The following XXYLT1 variants were observed in gnomAD, a reference collection of about 807,000 sequenced individuals.
XXYLT1 encodes UDP-xylose:alpha-xyloside alpha-1,3-xylosyltransferase.
Under a neutral mutation model 28.9 loss-of-function variants are expected in XXYLT1, and 20 were observed. The ratio of observed to expected loss-of-function variants is 0.69; its 90% confidence interval spans 0.49 to 1.00. The LOEUF (loss-of-function observed/expected upper bound fraction) is 1.00. Among genes scored for constraint, XXYLT1 ranks in the 50% least tolerant of loss-of-function variants. XXYLT1 has a pLI of 0.00. For synonymous variants in XXYLT1, 257 were observed against 253.8 expected (o/e 1.01, Z -0.12); for missense variants, 542 against 560.1 (o/e 0.97, Z 0.33).
chr3:195,162,427 G>A (rs940255369), intron 2 of XXYLT1, among the ~76,000 whole-genome samples: 2 of 152,232 alleles, frequency 1.3e-5, no homozygotes, highest in Non-Finnish European at 2.9e-5. Flanking sequence ...TATGCAACCT[G>A]TTAGCAGCTC....
intron 1 of XXYLT1, among the ~76,000 whole-genome samples, chr3:195,229,847 A>T (rs898827611): frequency 1.3e-5 from 2 of 152,232 alleles, no homozygotes; most frequent in Non-Finnish European, 2.9e-5. Context: ...TGCAATAAAC[A>T]TGGGGGTGCA....
In XXYLT1 at chr3:195,257,605, C is replaced by T. The variant is rs1725528556; in HGVS notation, c.504+12950G>A. ...CCAGCCAGGTGGATCACCATGGCAG[C>T]CAGGTACATCCTGGCTGGGCCGGCA... On this transcript the variant is annotated intron_variant, in intron 1 of 3. Transcript: ENST00000310380. The surrounding 1 kb of genome is among the most constrained non-coding windows in gnomAD (Gnocchi z 4.3). 2.0e-5 allele frequency among the ~76,000 whole-genome samples: 3 copies of T among 152,146 alleles called. No homozygotes were observed. Among genetic ancestry groups the T allele is most frequent in the Non-Finnish European group, 4.4e-5 (3 of 68,006 alleles).
In XXYLT1 at chr3:195,255,356, C is replaced by G. The variant is rs1032087969; in HGVS notation, c.504+15199G>C. On this transcript the variant is annotated intron_variant, in intron 1 of 3. Coordinates refer to ENST00000310380, the MANE Select transcript of XXYLT1 (RefSeq NM_152531.5). The surrounding 1 kb of genome is among the most constrained non-coding windows in gnomAD (Gnocchi z 4.5). ...ACACGGCTCGCACCCACGAGCTCAG[C>G]CCCCAGCAGGACCCAGTCGGGCTGG... 6.6e-6 allele frequency among the ~76,000 whole-genome samples: 1 copy of G among 152,190 alleles called. No individual in the cohort carries two copies. Among genetic ancestry groups the G allele is most frequent in the Admixed American group, 6.5e-5 (1 of 15,286 alleles).
intron 3 of XXYLT1, chr3:195,134,562 C>T (rs1157018142): frequency 6.4e-6 from 1 of 155,856 alleles, no homozygotes; most frequent in Non-Finnish European, 1.5e-5. Flanking sequence ...CCCCATTGCT[C>T]CCAGGCTACA....
intron 2 of XXYLT1, chr3:195,183,654 AT>A (rs1218251745): frequency 6.6e-6 from 1 of 152,130 alleles, no homozygotes; most frequent in Admixed American, 6.5e-5. Flanking sequence ...AGGTTAGGTC[AT>A]TTTCAGGAAT....
At chr3:195,149,566 G>C (rs7639698) in intron 3 of XXYLT1, among the ~76,000 whole-genome samples, 4 of 151,960 alleles carry the variant, frequency 2.6e-5, no homozygotes, top group African/African-American at 9.7e-5. Flanking sequence ...GGGAGTGGGG[G>C]CTGCCTCGGG....
intron 2 of XXYLT1, among the ~76,000 whole-genome samples, chr3:195,178,148 C>CT (rs35477529): frequency 0.04 from 5,897 of 148,094 alleles, 386 homozygotes; most frequent in African/African-American, 0.14. Context: ...CTGCTGACAG[C>CT]TTTTTTTTTT....
intron 1 of XXYLT1, among the ~76,000 whole-genome samples, chr3:195,235,433 T>A (rs971211841): frequency 2.0e-5 from 3 of 152,230 alleles, no homozygotes; most frequent in Admixed American, 6.5e-5. Context: ...CTATCTTGAA[T>A]TTCTTTGAGT....
At chr3:195,193,308 C>A in intron 2 of XXYLT1, among the ~76,000 whole-genome samples, 2 of 150,524 alleles carry the variant, frequency 1.3e-5, no homozygotes, top group African/African-American at 4.9e-5. Flanking sequence ...AAAAGCCATT[C>A]CTAAAATAAT....
At chr3:195,245,105 G>A (rs143898935) in intron 1 of XXYLT1, among the ~76,000 whole-genome samples, 4 of 151,566 alleles carry the variant, frequency 2.6e-5, no homozygotes, top group African/African-American at 9.7e-5. Context: ...GACGGAGGTT[G>A]CAGTGAGCCA....
intron 3 of XXYLT1, among the ~76,000 whole-genome samples, chr3:195,075,929 G>GA (rs1715087642): frequency 6.6e-6 from 1 of 152,064 alleles, no homozygotes; most frequent in Non-Finnish European, 1.5e-5. Flanking sequence ...CAGGCTGCCT[G>GA]GCAGGACAGG....
chr3:195,096,826 C>G (rs1716473789), intron 3 of XXYLT1, among the ~76,000 whole-genome samples: 1 of 152,214 alleles, frequency 6.6e-6, no homozygotes, highest in African/African-American at 2.4e-5. Context: ...AGAATCTTGA[C>G]TGAAACTGTA....
chr3:195,073,021 C>T (rs551939268), intron 3 of XXYLT1, among the ~76,000 whole-genome samples: 2 of 152,328 alleles, frequency 1.3e-5, no homozygotes, highest in Admixed American at 1.3e-4. Flanking sequence ...AGCCCTCTCA[C>T]ACTCTCCACC....
At chr3:195,190,349 A>G (rs2108750518) in intron 2 of XXYLT1, among the ~76,000 whole-genome samples, 1 of 151,942 alleles carries the variant, frequency 6.6e-6, no homozygotes, top group South Asian at 2.1e-4. Flanking sequence ...ACAAAAGTTA[A>G]CCAGGCTTGG....
chr3:195,110,434 T>TGGTG (rs1717555129), intron 3 of XXYLT1, among the ~76,000 whole-genome samples: 2 of 131,234 alleles, frequency 1.5e-5, no homozygotes, highest in African/African-American at 3.0e-5. Context: ...TATGTGTGCG[T>TGGTG]GTGTATGTGG....
intron 1 of XXYLT1, 69 bp downstream of exon 1, chr3:195,270,486 A>AAC: frequency 1.5e-6 from 2 of 1,350,884 alleles, no homozygotes; most frequent in Middle Eastern, 2.8e-4. Flanking sequence ...CCCCTCCGGG[A>AAC]GCGCAAACTG....
intron 3 of XXYLT1, among the ~76,000 whole-genome samples, chr3:195,155,534 C>CT (rs59329078): frequency 0.2 from 28,711 of 145,608 alleles, 3,251 homozygotes; most frequent in East Asian, 0.56. Flanking sequence ...TGTTCCTTTC[C>CT]TTTTTTTTTT....
At position 195,205,237 on chromosome 3, in the gene XXYLT1, T is replaced by C. The variant is rs146932241; in HGVS notation, c.652+21472A>G. Reference sequence around the variant, plus strand: ...GTCCATACAACAAAATGCAGCTTTATGCATACTAGCCGCAAACTGGGGACA... The same window carrying C: ...GTCCATACAACAAAATGCAGCTTTACGCATACTAGCCGCAAACTGGGGACA... On this transcript the variant is annotated intron_variant, in intron 2 of 3. Transcript: ENST00000310380. 4.6e-4 allele frequency among the ~76,000 whole-genome samples: 70 copies of C among 152,392 alleles called. 1 individual carries two copies. The East Asian group carries it at 0.012, about 26-fold the overall frequency.
In XXYLT1 at chr3:195,266,361, G is replaced by A. The variant is rs375100966; in HGVS notation, c.504+4194C>T. ...AATACAAAAACTAGCTGGGTGTGGC[G>A]GTGGGTGCCTGTAGTCCAGCTACTC... is the stretch of plus-strand genomic sequence containing the variant. On this transcript the variant is annotated intron_variant, in intron 1 of 3. Coordinates refer to ENST00000310380, the MANE Select transcript of XXYLT1 (RefSeq NM_152531.5). Among the ~76,000 whole-genome samples, 4 of 152,020 alleles carry A rather than the reference G, an allele frequency of 2.6e-5. No individual in the cohort carries two copies. The East Asian group carries it at 5.8e-4, about 22-fold the overall frequency.
Sources: gnomAD v4.1 joint callset for allele counts (sites outside exome capture counted in the v4.1 genomes callset) on GRCh38, gnomAD v4.1.1 for gene constraint, Gnocchi (gnomAD v3.1) non-coding constraint, MANE v1.5 for transcripts, NCBI Gene and HGNC (gene_info 2026-07-23, HGNC 2026-07-21) for gene names.